The following RABGEF1 variants were observed in gnomAD, a reference collection of about 807,000 sequenced individuals.
RABGEF1 encodes RAB guanine nucleotide exchange factor 1, also known as rab5 GDP/GTP exchange factor.
In RABGEF1, 26 loss-of-function variants were observed where a neutral mutation model predicts 57.3. That is an observed-to-expected ratio of 0.45 (90% CI 0.33 to 0.63). RABGEF1 has a LOEUF of 0.63. Ranked by LOEUF, RABGEF1 falls within the 20% of genes least tolerant of loss-of-function variation. The pLI, the probability that RABGEF1 is intolerant of heterozygous loss-of-function variation, is 0.02. For synonymous variants in RABGEF1, 185 were observed against 210.7 expected, an observed-to-expected ratio of 0.88 and a Z score of 1.06; for missense variants, 464 against 607.6, an observed-to-expected ratio of 0.76 and a Z score of 2.48.
chr7:66,715,879 GAA>G (rs1795337216), intron 2 of RABGEF1, among the ~76,000 whole-genome samples: 1 of 152,112 alleles, frequency 6.6e-6, no homozygotes, highest in South Asian at 2.1e-4. Context: ...TCCGCCTCCT[GAA>G]TAGCTGGGAT....
intron 1 of RABGEF1, among the ~76,000 whole-genome samples, chr7:66,709,199 G>T (rs1794496617): frequency 6.6e-6 from 1 of 152,034 alleles, no homozygotes; most frequent in African/African-American, 2.4e-5. Flanking sequence ...AGTAGAAATG[G>T]AGTTTCACCA....
chr7:66,712,040 T>C (rs1021942244), intron 1 of RABGEF1: 1 of 152,242 alleles, frequency 6.6e-6, no homozygotes, highest in Non-Finnish European at 1.5e-5. Flanking sequence ...CCTCCAACTT[T>C]ATTCTTATTC....
intron 1 of RABGEF1, among the ~76,000 whole-genome samples, chr7:66,749,736 C>T (rs1372428974): frequency 1.3e-5 from 2 of 152,092 alleles, no homozygotes; most frequent in Admixed American, 6.5e-5. Context: ...CTTTGGGAGG[C>T]CAAGGCGGGC....
At chr7:66,720,949 ACT>A (rs1795980571) in intron 2 of RABGEF1, among the ~76,000 whole-genome samples, 2 of 152,080 alleles carry the variant, frequency 1.3e-5, no homozygotes, top group South Asian at 4.1e-4. Flanking sequence ...ACAGAGTCTT[ACT>A]CTGTCGCCCA....
chr7:66,752,293 G>A (rs180703950), intron 1 of RABGEF1, among the ~76,000 whole-genome samples: 4 of 151,878 alleles, frequency 2.6e-5, no homozygotes, highest in African/African-American at 7.2e-5. Flanking sequence ...TCAGGAGTTC[G>A]AGCCCAGCCT....
At chr7:66,805,542 G>C in intron 8 of RABGEF1, 146 bp downstream of exon 8, 1 of 1,219,548 alleles carries the variant, frequency 8.2e-7, no homozygotes, top group Non-Finnish European at 1.1e-6. Flanking sequence ...GCATCAGGGA[G>C]CACAAGGACC....
rs184256314 is a variant in RABGEF1 at position 66,723,746 on chromosome 7, A to G, written c.-815+11522A>G. Among the ~76,000 whole-genome samples, 45 of 147,688 alleles carry G rather than the reference A, an allele frequency of 3.0e-4. No individual in the cohort carries two copies. In the East Asian group the frequency reaches 9.4e-3, roughly 31 times the overall value. ...CAGGGCTGTGACACCACGCCTGGCC[A>G]CTTTTGTATTTTTAGTAGTGACGGG... is the stretch of plus-strand genomic sequence containing the variant. On this transcript the variant is annotated intron_variant and NMD_transcript_variant, in intron 2 of 9. Coordinates refer to the RABGEF1 transcript ENST00000607882.
chr7:66,726,762 G>A (rs1459249974), intron 2 of RABGEF1, among the ~76,000 whole-genome samples: 5 of 152,140 alleles, frequency 3.3e-5, no homozygotes, highest in African/African-American at 1.2e-4. Flanking sequence ...CCAACCCTTT[G>A]GGAGGCTGAG....
chr7:66,683,857 C>T (rs1480123160), intron 1 of RABGEF1, among the ~76,000 whole-genome samples: 1 of 152,118 alleles, frequency 6.6e-6, no homozygotes, highest in Non-Finnish European at 1.5e-5. Flanking sequence ...CCTCCCACCT[C>T]AACCTCCCGA....
chr7:66,671,546 A>G, the RABGEF1 span, among the ~76,000 whole-genome samples: 3 of 152,216 alleles, frequency 2.0e-5, no homozygotes, highest in Non-Finnish European at 4.4e-5. Context: ...TAAAAAAAAG[A>G]TGAAAGACTG....
At chr7:66,739,499 C>G, upstream of RABGEF1, among the ~76,000 whole-genome samples, 1 of 141,454 alleles carries the variant, frequency 7.1e-6, no homozygotes, top group South Asian at 2.3e-4. Context: ...ACTAAAAATA[C>G]AAAAAAAAAA....
chr7:66,769,664 C>T (rs1315753301), intron 1 of RABGEF1, among the ~76,000 whole-genome samples: 3 of 152,218 alleles, frequency 2.0e-5, no homozygotes, highest in Non-Finnish European at 4.4e-5. Flanking sequence ...TATTTTCCTT[C>T]TCACTTAGTC....
chr7:66,693,060 G>C (rs573407989), intron 1 of RABGEF1, among the ~76,000 whole-genome samples: 28 of 152,294 alleles, frequency 1.8e-4, no homozygotes, highest in Middle Eastern at 3.4e-3. Context: ...GGCTGGTCCC[G>C]TGGCCTTCAC....
chr7:66,700,685 CTT>C (rs1793122282), intron 1 of RABGEF1, among the ~76,000 whole-genome samples: 1 of 152,248 alleles, frequency 6.6e-6, no homozygotes, highest in African/African-American at 2.4e-5. Context: ...ACTCAGCTCT[CTT>C]CACACCACCC....
At chr7:66,678,757 G>T (rs1447782276), upstream of RABGEF1, among the ~76,000 whole-genome samples, 1 of 152,000 alleles carries the variant, frequency 6.6e-6, no homozygotes, top group Non-Finnish European at 1.5e-5. Flanking sequence ...TCCTCCCACA[G>T]GGAAACTCAG....
chr7:66,746,618 C>CTTT (rs1206614304), intron 1 of RABGEF1, among the ~76,000 whole-genome samples: 15 of 92,212 alleles, frequency 1.6e-4, no homozygotes, highest in South Asian at 4.5e-4. Context: ...ATAATATAAC[C>CTTT]TTTTTTTTTT....
At chr7:66,773,389 G>A (rs992651235) in intron 2 of RABGEF1, among the ~76,000 whole-genome samples, 8 of 152,174 alleles carry the variant, frequency 5.3e-5, no homozygotes, top group African/African-American at 1.7e-4. Flanking sequence ...CTGTCCCAGA[G>A]AAAGAGGGGT....
upstream of RABGEF1, among the ~76,000 whole-genome samples, chr7:66,736,909 C>T (rs1798004103): frequency 6.6e-6 from 1 of 152,082 alleles, no homozygotes; most frequent in African/African-American, 2.4e-5. Flanking sequence ...TAATTATACA[C>T]ACATGCACAG....
At chr7:66,779,234 G>A (rs186751445) in intron 3 of RABGEF1, among the ~76,000 whole-genome samples, 86 of 151,436 alleles carry the variant, frequency 5.7e-4, no homozygotes, top group Middle Eastern at 7.0e-3. Flanking sequence ...GCTGGCACAG[G>A]GGCTCACGCT....
Sources: gnomAD v4.1 joint callset for allele counts (sites outside exome capture counted in the v4.1 genomes callset) on GRCh38, gnomAD v4.1.1 for gene constraint, MANE v1.5 for transcripts, NCBI Gene and HGNC (gene_info 2026-07-23, HGNC 2026-07-21) for gene names.